Variants in ADAMTS17 observed in about 807,000 individuals in gnomAD.
ADAMTS17 encodes the protein ADAM metallopeptidase with thrombospondin type 1 motif 17.
In ADAMTS17, 113 loss-of-function variants were observed where a neutral mutation model predicts 141.5. That is an observed-to-expected ratio of 0.80 (90% confidence interval 0.69 to 0.93). The LOEUF (loss-of-function observed/expected upper bound fraction) is 0.93. ADAMTS17 is among the 40% of genes least tolerant of loss of function. The pLI is 0.00. For missense variants in ADAMTS17, 1,659 were observed against 1,517.9 expected, an observed-to-expected ratio of 1.09 and a Z score of -1.54; for synonymous variants, 768 against 630.6, an observed-to-expected ratio of 1.22 and a Z score of -3.27.
intron 7 of ADAMTS17, among the ~76,000 whole-genome samples, chr15:100,219,979 G>C (rs563850134): frequency 6.6e-6 from 1 of 152,174 alleles, no homozygotes; most frequent in African/African-American, 2.4e-5. Context: ...TATGAGGCGG[G>C]TACAATTTTA....
At chr15:100,221,222 C>A (rs1435462367) in intron 7 of ADAMTS17, among the ~76,000 whole-genome samples, 1 of 151,854 alleles carries the variant, frequency 6.6e-6, no homozygotes, top group Non-Finnish European at 1.5e-5. Context: ...TCTTGAAATA[C>A]ACAAAAATAT....
chr15:100,257,536 G>T (rs894723856), intron 6 of ADAMTS17, among the ~76,000 whole-genome samples: 6 of 152,306 alleles, frequency 3.9e-5, no homozygotes, highest in African/African-American at 9.6e-5. Context: ...TCAGGCTCCC[G>T]GGCTGGCAAC....
At chr15:100,082,816 G>C (rs149690184) in intron 15 of ADAMTS17, among the ~76,000 whole-genome samples, 1 of 139,302 alleles carries the variant, frequency 7.2e-6, no homozygotes, top group Non-Finnish European at 1.5e-5. Context: ...TTGTGTTGCA[G>C]ACTCTCCTTC....
chr15:100,314,906 T>C (rs1466334981), intron 3 of ADAMTS17, among the ~76,000 whole-genome samples: 1 of 152,136 alleles, frequency 6.6e-6, no homozygotes, highest in East Asian at 1.9e-4. Context: ...ACACCCTGTT[T>C]GGAAGAAGGT....
intron 15 of ADAMTS17, among the ~76,000 whole-genome samples, chr15:100,064,634 C>T (rs1456755483): frequency 6.6e-6 from 1 of 152,192 alleles, no homozygotes; most frequent in African/African-American, 2.4e-5. Flanking sequence ...CCACCTTTGG[C>T]CATTTCACTT....
At chr15:100,230,652 AC>A (rs1358425913) in intron 7 of ADAMTS17, among the ~76,000 whole-genome samples, 1 of 152,206 alleles carries the variant, frequency 6.6e-6, no homozygotes, top group Non-Finnish European at 1.5e-5. Flanking sequence ...GGCATTTAAC[AC>A]TTTTTTCGGG....
chr15:100,108,852 C>G (rs1041754138), intron 14 of ADAMTS17, 137 bp downstream of exon 14: 3 of 1,446,208 alleles, frequency 2.1e-6, no homozygotes, highest in Non-Finnish European at 2.9e-6. Flanking sequence ...CGGCAGGAGG[C>G]GGCATCACTG....
intron 7 of ADAMTS17, among the ~76,000 whole-genome samples, chr15:100,209,104 C>T (rs1284400089): frequency 5.6e-5 from 4 of 70,830 alleles, no homozygotes; most frequent in African/African-American, 1.5e-4. Context: ...GAAATATTTG[C>T]CAAGTTAGCA....
At chr15:99,999,548 G>C (rs1359290564) in intron 18 of ADAMTS17, among the ~76,000 whole-genome samples, 1 of 152,136 alleles carries the variant, frequency 6.6e-6, no homozygotes, top group Non-Finnish European at 1.5e-5. Flanking sequence ...AGGAAGGGGA[G>C]AGCGAGGGGA....
chr15:100,006,507 T>C lies in ADAMTS17; in HGVS notation c.2592-8918A>G, dbSNP rs145125033. Among the ~76,000 whole-genome samples, 690 of 152,282 alleles carry C rather than the reference T, an allele frequency of 4.5e-3. 6 individuals carry two copies. Among genetic ancestry groups the C allele is most frequent in the African/African-American group, 0.015 (638 of 41,542 alleles). ...CTTTTCTGACACAGTTATTTTATGT[T>C]GAATATAGAGGGAATCTCAAACGCA... On this transcript the variant is annotated intron_variant, in intron 18 of 21. Coordinates refer to ENST00000268070, the MANE Select transcript of ADAMTS17 (RefSeq NM_139057.4).
intron 10 of ADAMTS17, among the ~76,000 whole-genome samples, chr15:100,140,333 G>A (rs929117932): frequency 3.3e-5 from 5 of 151,860 alleles, no homozygotes; most frequent in African/African-American, 7.3e-5. Context: ...TGGCTGAAAG[G>A]CATATAGTAT....
At chr15:100,176,892 A>G (rs982973132) in intron 8 of ADAMTS17, among the ~76,000 whole-genome samples, 5 of 152,242 alleles carry the variant, frequency 3.3e-5, no homozygotes, top group African/African-American at 9.6e-5. Flanking sequence ...CTAGCTTTTT[A>G]AAATTTGGTG....
In ADAMTS17 at chr15:100,051,576, G is replaced by T; in HGVS notation, c.2451C>A (p.Gly817=). 2 of 1,613,430 alleles carry T rather than the reference G, an allele frequency of 1.2e-6. No homozygotes were observed. The highest frequency in any genetic ancestry group is 1.7e-5 in the Admixed American group (1 of 60,010). Residue 817 remains glycine (G), a synonymous_variant, in exon 17 of 22, where the codon GGC becomes GGA. Coordinates refer to ENST00000268070, the MANE Select transcript of ADAMTS17 (RefSeq NM_139057.4). ...TCATGGACCACGGCCACTCACCTCC[G>T]CCGCACTGCACACTGCACCCTTCCC... ...SGWEGCSVQC[G]GGERRTIVSC...
chr15:100,274,279 C>A (rs1377193429), intron 4 of ADAMTS17, among the ~76,000 whole-genome samples: 1 of 152,144 alleles, frequency 6.6e-6, no homozygotes, highest in East Asian at 1.9e-4. Context: ...ATTGAAATCT[C>A]CAACTATTAT....
chr15:100,311,794 T>C (rs946104271), intron 3 of ADAMTS17, among the ~76,000 whole-genome samples: 2 of 151,794 alleles, frequency 1.3e-5, no homozygotes, highest in African/African-American at 4.8e-5. Context: ...ATCTGGGTTC[T>C]CAGAGAGAAC....
intron 7 of ADAMTS17, among the ~76,000 whole-genome samples, chr15:100,233,366 A>G (rs1055910667): frequency 6.6e-6 from 1 of 152,174 alleles, no homozygotes; most frequent in Non-Finnish European, 1.5e-5. Flanking sequence ...AACTCACTGA[A>G]AAGTCATATA....
intron 13 of ADAMTS17, among the ~76,000 whole-genome samples, chr15:100,113,600 C>A (rs2036926105): frequency 6.6e-6 from 1 of 152,240 alleles, no homozygotes; most frequent in African/African-American, 2.4e-5. Flanking sequence ...GCTACCCTAC[C>A]AGCTTCCACA....
chr15:100,087,766 A>C (rs1391852938), intron 15 of ADAMTS17, among the ~76,000 whole-genome samples: 3 of 152,232 alleles, frequency 2.0e-5, no homozygotes, highest in Non-Finnish European at 4.4e-5. Context: ...GATGCAGAAA[A>C]GGCCTCTGAC....
At chr15:100,153,014 C>T (rs1002476202) in intron 9 of ADAMTS17, among the ~76,000 whole-genome samples, 15 of 35,936 alleles carry the variant, frequency 4.2e-4, no homozygotes, top group African/African-American at 5.3e-4. Context: ...GGCATAGGAA[C>T]GACATCCACA....
Sources: allele counts gnomAD v4.1 joint callset (sites outside exome capture counted in the v4.1 genomes callset), GRCh38; gene constraint gnomAD v4.1.1; transcripts MANE v1.5; gene names NCBI Gene and HGNC (gene_info 2026-07-23, HGNC 2026-07-21).